STT3A: variants seen among roughly 807,000 people sequenced by gnomAD.
The protein encoded by STT3A is STT3 oligosaccharyltransferase complex catalytic subunit A.
Under a neutral mutation model 89.2 loss-of-function variants are expected in STT3A, and 34 were observed. The ratio of observed to expected loss-of-function variants is 0.38; its 90% CI spans 0.29 to 0.51. The LOEUF (loss-of-function observed/expected upper bound fraction) is 0.51. Among genes scored for constraint, STT3A ranks in the 20% least tolerant of loss-of-function variants. The pLI, the probability that STT3A is intolerant of heterozygous loss-of-function variation, is 0.89. For synonymous variants in STT3A, 282 were observed against 310.3 expected (o/e 0.91, Z 0.96); for missense variants, 555 against 889.5 (o/e 0.62, Z 4.78).
rs751390944 is a variant in STT3A, at chr11:125,612,600, A to G, written c.1218A>G (p.Leu406=). The G allele has an allele frequency of 1.2e-6, 2 of 1,613,982 alleles. No homozygotes were observed. The highest frequency in any genetic ancestry group is 2.2e-5 in the East Asian group (1 of 44,872). Residue 406 remains leucine, a synonymous_variant, in exon 12 of 18, where the codon CTA becomes CTG. Transcript: ENST00000392708. Reference sequence around the variant, plus strand: ...CTTCCTGTCTCTGTTAGGTGCGTCTAATGCTAGTGTTGGCACCTGTTATGT... The same window carrying G: ...CTTCCTGTCTCTGTTAGGTGCGTCTGATGCTAGTGTTGGCACCTGTTATGT... ...SMYFSAVMVR[L]MLVLAPVMCI... is the part of the protein sequence containing the mutation.
intron 17 of STT3A, 77 bp downstream of exon 17, chr11:125,620,203 A>G: frequency 8.6e-7 from 1 of 1,162,012 alleles, no homozygotes; most frequent in Non-Finnish European, 1.2e-6. Context: ...AATGGGACAT[A>G]TATTTCTCAA....
intron 5 of STT3A, 24 bp from the exon 6 acceptor site, chr11:125,604,133 C>A: frequency 6.2e-7 from 1 of 1,612,248 alleles, no homozygotes; most frequent in Non-Finnish European, 8.5e-7. Context: ...GTGTTAATGT[C>A]TTATTACCCT....
intron 8 of STT3A, among the ~76,000 whole-genome samples, chr11:125,607,737 T>C (rs1939881191): frequency 6.6e-6 from 1 of 152,210 alleles, no homozygotes; most frequent in Non-Finnish European, 1.5e-5. Flanking sequence ...TAATGTGATA[T>C]GGAACATAGA....
Position 125,613,008 on chromosome 11 carries a change from T to C in STT3A, c.1385T>C (p.Leu462Pro). The C allele has an allele frequency of 1.2e-6, 2 of 1,614,144 alleles. No homozygotes were observed. Among genetic ancestry groups the C allele is most frequent in the Non-Finnish European group, 1.7e-6 (2 of 1,180,002 alleles). Residue 462 changes from leucine (L) to proline (P), a missense_variant, in exon 13 of 18, where the codon CTG becomes CCG. By Grantham distance (98) the Leu-to-Pro change is moderately conservative. Around this residue, in one of 5 missense-constraint regions of STT3A, gnomAD observed 273 missense variants for 449.8 expected, o/e 0.61. Transcript: ENST00000392708. This position sits in a 1 kb window ranked among gnomAD's most constrained non-coding sequence, Gnocchi z 4.2. ...IKNEVASGMI[L>P]VMAFFLITYT... ...GTTTAGGTGGCAAGTGGGATGATAC[T>C]GGTCATGGCTTTCTTTCTCATCACC...
intron 16 of STT3A, among the ~76,000 whole-genome samples, chr11:125,619,100 A>G (rs987661934): frequency 1.3e-5 from 2 of 151,998 alleles, no homozygotes; most frequent in Non-Finnish European, 2.9e-5. Flanking sequence ...CCCAGGCTGG[A>G]GTGCAGTGGC....
In STT3A at chr11:125,602,309, T is replaced by C; in HGVS notation, c.156T>C (p.Phe52=). ...ESVIHEFDPY[F]NYRTTRFLAE... is the part of the protein sequence containing the mutation. ...AGTTTATTTCTTGCTATAGGTACTT[T>C]AATTATCGGACTACCAGGTTCCTGG... Residue 52 remains phenylalanine, a synonymous_variant, in exon 4 of 18, where the codon TTT becomes TTC. Coordinates refer to ENST00000392708, the MANE Select transcript of STT3A (RefSeq NM_152713.5). 6.2e-7 allele frequency: 1 copy of C among 1,611,408 alleles called. No individual in the cohort carries two copies. Among genetic ancestry groups the C allele is most frequent in the Non-Finnish European group, 8.5e-7 (1 of 1,179,370 alleles).
chr11:125,602,830 A>G lies in STT3A; in HGVS notation c.299A>G (p.Tyr100Cys), dbSNP rs1425026276. 1 of 1,614,086 alleles carries G rather than the reference A, an allele frequency of 6.2e-7. No homozygotes were observed. The highest frequency in any genetic ancestry group is 8.5e-7 in the Non-Finnish European group (1 of 1,180,018). Reference sequence around the variant, plus strand: ...TTAATGATCACCTCTGCTGCAATCTACCATGTACTCCATTTTTTCCACATC... The same window carrying G: ...TTAATGATCACCTCTGCTGCAATCTGCCATGTACTCCATTTTTTCCACATC... ...PGLMITSAAI[Y>C]HVLHFFHITI... The change falls in exon 5 of 18, where the codon TAC becomes TGC. Residue 100 changes from tyrosine (Y) to cysteine (C), a missense_variant. This residue lies in a region of STT3A where 129 missense variants were observed against 193.2 expected (regional missense o/e 0.67). Transcript: ENST00000392708.
chr11:125,601,347 A>G (rs765139099), intron 3 of STT3A, among the ~76,000 whole-genome samples: 2 of 152,212 alleles, frequency 1.3e-5, no homozygotes, highest in Admixed American at 1.3e-4. Flanking sequence ...CTGGCCAGGC[A>G]TGGTGGCTCA....
upstream of STT3A, among the ~76,000 whole-genome samples, chr11:125,592,182 C>A (rs935483204): frequency 6.6e-6 from 1 of 152,164 alleles, no homozygotes; most frequent in African/African-American, 2.4e-5. Context: ...TTAGCCCCGA[C>A]AACCCCTTTA....
chr11:125,613,008 T>A lies in STT3A; in HGVS notation c.1385T>A (p.Leu462Gln), dbSNP rs1223676893. Residue 462 changes from leucine (L) to glutamine (Q), a missense_variant, in exon 13 of 18, where the codon CTG (leucine) becomes CAG (glutamine). This residue lies in a region of STT3A where 273 missense variants were observed against 449.8 expected (regional missense o/e 0.61). Transcript: ENST00000392708. The surrounding 1 kb of genome is among the most constrained non-coding windows in gnomAD (Gnocchi z 4.2). ...GTTTAGGTGGCAAGTGGGATGATAC[T>A]GGTCATGGCTTTCTTTCTCATCACC... ...IKNEVASGMI[L>Q]VMAFFLITYT... 6.2e-7 allele frequency: 1 copy of A among 1,614,144 alleles called. No individual in the cohort carries two copies. Among genetic ancestry groups the A allele is most frequent in the South Asian group, 1.1e-5 (1 of 91,076 alleles).
intron 6 of STT3A, among the ~76,000 whole-genome samples, chr11:125,605,137 G>GA (rs57173218): frequency 0.28 from 41,266 of 146,028 alleles, 5,840 homozygotes; most frequent in East Asian, 0.41. Flanking sequence ...ATTTTTTTAA[G>GA]AAAAAAAAAA....
At chr11:125,612,852 AG>A in intron 12 of STT3A, 105 bp downstream of exon 12, 2 of 1,518,960 alleles carry the variant, frequency 1.3e-6, no homozygotes, top group Non-Finnish European at 1.8e-6. Context: ...GCACTGTCCT[AG>A]GTGGTCAGAA....
chr11:125,593,942 G>C (rs2135895648), intron 1 of STT3A, among the ~76,000 whole-genome samples: 1 of 152,062 alleles, frequency 6.6e-6, no homozygotes, highest in African/African-American at 2.4e-5. Context: ...GTTTGTTAAG[G>C]GATACACAAG....
rs757765136 is a variant in STT3A at position 125,606,458 on chromosome 11, G to C, written c.773G>C (p.Gly258Ala). 2.5e-6 allele frequency: 4 copies of C among 1,612,064 alleles called. No homozygotes were observed. The South Asian group carries it at 4.4e-5, about 18-fold the overall frequency. ...TILSMQISFV[G>A]FQPVLSSEHM... ...CTTTCTATGCAGATCTCCTTTGTGG[G>C]TTTCCAGGTGAGCCCTTGACTGAGT... is the stretch of plus-strand genomic sequence containing the variant. The change falls in exon 8 of 18, where the codon GGT becomes GCT. Residue 258 changes from glycine to alanine, a missense_variant. Coordinates refer to ENST00000392708, the MANE Select transcript of STT3A (RefSeq NM_152713.5).
intron 10 of STT3A, 191 bp downstream of exon 10, chr11:125,609,780 G>T: frequency 2.0e-6 from 1 of 509,322 alleles, no homozygotes. Context: ...TGTAGATATT[G>T]GCAAGTTCAG....
chr11:125,610,301 G>C (rs1017791990), intron 10 of STT3A, among the ~76,000 whole-genome samples: 2 of 152,168 alleles, frequency 1.3e-5, no homozygotes, highest in Non-Finnish European at 2.9e-5. Flanking sequence ...ATGGGCTCAA[G>C]CAGTCTGCTC....
Position 125,596,758 on chromosome 11 carries a change from G to A in STT3A, c.89-301G>A, listed in dbSNP as rs554213561. ...ATGTGTGTATGGTGGGGGAGTCAGC[G>A]TATATAAAAGATGACCATGTAAGTT... On this transcript the variant is annotated intron_variant, in intron 2 of 17. Transcript: ENST00000392708. Among the ~76,000 whole-genome samples the A allele has an allele frequency of 7.9e-5, 12 of 152,214 alleles. No homozygotes were observed. The East Asian group carries it at 9.7e-4, about 12-fold the overall frequency.
chr11:125,592,789 C>G (rs151263120), upstream of STT3A: 5 of 221,496 alleles, frequency 2.3e-5, no homozygotes, highest in Non-Finnish European at 3.8e-5. Flanking sequence ...TCTCCAGAAG[C>G]GTCCTATTGG....
At chr11:125,616,645 C>T (rs1310097353) in intron 15 of STT3A, among the ~76,000 whole-genome samples, 2 of 152,210 alleles carry the variant, frequency 1.3e-5, no homozygotes, top group Non-Finnish European at 2.9e-5. Flanking sequence ...ATCTTTTGAA[C>T]AATGGGCTCT....
Sources: allele counts gnomAD v4.1 joint callset (sites outside exome capture counted in the v4.1 genomes callset), GRCh38; gene constraint gnomAD v4.1.1; regional missense constraint gnomAD v4.1.1; non-coding constraint Gnocchi (gnomAD v3.1); transcripts MANE v1.5; gene names NCBI Gene and HGNC (gene_info 2026-07-23, HGNC 2026-07-21).